SCARA3: variants seen among roughly 807,000 people sequenced by gnomAD.
SCARA3 encodes cellular stress response gene protein.
A neutral mutation model predicts 47.0 loss-of-function variants in SCARA3; 39 were observed. The ratio of observed to expected loss-of-function variants is 0.83; its 90% CI spans 0.64 to 1.08. The LOEUF (loss-of-function observed/expected upper bound fraction) is 1.08. Ranked by LOEUF, SCARA3 falls within the 50% of genes least tolerant of loss-of-function variation. SCARA3 has a pLI of 0.00. For synonymous variants in SCARA3, 356 were observed against 334.1 expected (o/e 1.07, Z -0.71); for missense variants, 724 against 792.3 (o/e 0.91, Z 1.04).
chr8:27,709,063 T>C, the SCARA3 span, among the ~76,000 whole-genome samples: 1 of 152,190 alleles, frequency 6.6e-6, no homozygotes, highest in African/African-American at 2.4e-5. Context: ...GCACAGAATA[T>C]GTCCTCGAGA....
At chr8:27,730,983 C>T in the SCARA3 span, among the ~76,000 whole-genome samples, 2 of 150,914 alleles carry the variant, frequency 1.3e-5, no homozygotes, top group African/African-American at 2.4e-5. Context: ...CCTGGGGGGC[C>T]ACTCCTCCAG....
chr8:27,671,775 C>T lies in SCARA3; in HGVS notation c.*424C>T. 7 of 997,368 alleles carry T rather than the reference C, an allele frequency of 7.0e-6. No homozygotes were observed. The highest frequency in any genetic ancestry group is 8.4e-6 in the Non-Finnish European group (7 of 838,078). 61.8% of individuals were successfully genotyped at this position (997,368 alleles called of 1,614,324 possible). Reference sequence around the variant, plus strand: ...ACAGGCACACACATGTACGCACACACACATGCACTGCACACATATCCATGC... The same window carrying T: ...ACAGGCACACACATGTACGCACACATACATGCACTGCACACATATCCATGC... On this transcript the variant is annotated 3_prime_UTR_variant, in exon 6 of 6. Coordinates refer to ENST00000301904, the MANE Select transcript of SCARA3 (RefSeq NM_016240.3).
chr8:27,635,655 T>G (rs1801235318), intron 1 of SCARA3, among the ~76,000 whole-genome samples: 1 of 151,746 alleles, frequency 6.6e-6, no homozygotes, highest in South Asian at 2.1e-4. Context: ...GGGGCCTTAT[T>G]ATATTGCCCA....
chr8:27,708,423 A>T, the SCARA3 span, among the ~76,000 whole-genome samples: 25 of 152,210 alleles, frequency 1.6e-4, no homozygotes, highest in Admixed American at 1.6e-3. Context: ...CTGCTAACTT[A>T]AAATAAAAAA....
chr8:27,650,179 A>G (rs890313858), intron 2 of SCARA3, among the ~76,000 whole-genome samples: 3 of 151,864 alleles, frequency 2.0e-5, no homozygotes, highest in African/African-American at 7.3e-5. Flanking sequence ...TTTTTTGTAG[A>G]TACAAGAGTC....
downstream of SCARA3, chr8:27,676,594 G>T (rs1475322900): frequency 2.6e-6 from 4 of 1,565,948 alleles, no homozygotes; most frequent in African/African-American, 5.4e-5. Context: ...CACATAATCG[G>T]ATATGATATG....
the SCARA3 span, among the ~76,000 whole-genome samples, chr8:27,708,814 G>T: frequency 1.3e-5 from 2 of 152,014 alleles, no homozygotes; most frequent in Admixed American, 6.6e-5. Flanking sequence ...ACCACATCTG[G>T]ATGTTTCTTT....
At chr8:27,661,065 A>G (rs928710147) in intron 5 of SCARA3, among the ~76,000 whole-genome samples, 3 of 152,184 alleles carry the variant, frequency 2.0e-5, no homozygotes, top group Non-Finnish European at 4.4e-5. Flanking sequence ...AACTGATTAG[A>G]TGAGCCTGCT....
chr8:27,729,272 T>C, the SCARA3 span, among the ~76,000 whole-genome samples: 1 of 152,302 alleles, frequency 6.6e-6, no homozygotes, highest in South Asian at 2.1e-4. Flanking sequence ...TAAAACTCCA[T>C]TTCCCCACAA....
In SCARA3 at chr8:27,672,866, T is replaced by C; in HGVS notation, c.*1515T>C. The C allele has an allele frequency of 2.0e-6, 2 of 985,636 alleles. No individual in the cohort carries two copies. The highest frequency in any genetic ancestry group is 9.4e-5 in the South Asian group (2 of 21,288). The allele number at this position is 985,636 out of a possible 1,614,324, so 61.1% of individuals were successfully genotyped here. Reference sequence around the variant, plus strand: ...CCAACACGGACCCAGAGAGCAGCCCTTCCCTGCTCAAAGCCTTTCCGCACC... The same window carrying C: ...CCAACACGGACCCAGAGAGCAGCCCCTCCCTGCTCAAAGCCTTTCCGCACC... On this transcript the variant is annotated 3_prime_UTR_variant, in exon 6 of 6. Coordinates refer to ENST00000301904, the MANE Select transcript of SCARA3 (RefSeq NM_016240.3).
Position 27,672,311 on chromosome 8 carries a change from C to A in SCARA3, c.*960C>A. On this transcript the variant is annotated 3_prime_UTR_variant, in exon 6 of 6. Transcript: ENST00000301904. ...GGAATCCAAGCAGGAGTTTCATCTG[C>A]ATGGGGGCACTCTGCAGGCCCTGGA... The A allele has an allele frequency of 6.1e-6, 6 of 985,498 alleles. No homozygotes were observed. The South Asian group carries it at 2.8e-4, about 46-fold the overall frequency. The allele number at this position is 985,498 out of a possible 1,614,324, so 61.0% of individuals were successfully genotyped here.
downstream of SCARA3, among the ~76,000 whole-genome samples, chr8:27,679,680 G>T (rs1279223113): frequency 6.6e-6 from 1 of 152,106 alleles, no homozygotes; most frequent in African/African-American, 2.4e-5. Context: ...ATTTTCAAGG[G>T]CACATCAGAT....
At position 27,651,583 on chromosome 8, in the gene SCARA3, T is replaced by C. The variant is rs749132225; in HGVS notation, c.182T>C (p.Phe61Ser). The change falls in exon 3 of 6, where the codon TTC becomes TCC. Residue 61 changes from phenylalanine to serine, a missense_variant. Physicochemically the swap from Phe to Ser is radical, Grantham distance 155. Transcript: ENST00000301904. Reference protein sequence around the residue: ...LHTSVRILYLFLALLLVAVAV... With the variant: ...LHTSVRILYLSLALLLVAVAV... ...ACATCGGTGCGGATTCTTTACCTCT[T>C]CCTGGCCCTGCTCCTGGTGGCCGTG... The C allele has an allele frequency of 6.2e-7, 1 of 1,614,128 alleles. No individual in the cohort carries two copies. Among genetic ancestry groups the C allele is most frequent in the South Asian group, 1.1e-5 (1 of 91,072 alleles).
the SCARA3 span, chr8:27,701,327 A>G: frequency 6.6e-6 from 1 of 152,184 alleles, no homozygotes; most frequent in African/African-American, 2.4e-5. Context: ...GGTGCTATAA[A>G]TATTTTGATT....
the SCARA3 span, among the ~76,000 whole-genome samples, chr8:27,722,999 T>C: frequency 1.3e-5 from 2 of 152,104 alleles, no homozygotes; most frequent in Non-Finnish European, 2.9e-5. Flanking sequence ...CAGCATTGCT[T>C]CCCCAGAATA....
chr8:27,670,242 T>C (rs1466365682), intron 5 of SCARA3, among the ~76,000 whole-genome samples: 1 of 152,174 alleles, frequency 6.6e-6, no homozygotes, highest in Non-Finnish European at 1.5e-5. Context: ...GCTCCTGCCA[T>C]CTTCCTAGGG....
chr8:27,716,679 TATTA>T, the SCARA3 span, among the ~76,000 whole-genome samples: 2 of 152,218 alleles, frequency 1.3e-5, no homozygotes, highest in Admixed American at 6.5e-5. Flanking sequence ...GTCATCGTAG[TATTA>T]ATTAATTCAG....
chr8:27,667,067 C>G (rs374937146), intron 5 of SCARA3, among the ~76,000 whole-genome samples: 1 of 152,208 alleles, frequency 6.6e-6, no homozygotes, highest in Non-Finnish European at 1.5e-5. Context: ...CTCAGAGCAG[C>G]CACTAGCCCT....
At chr8:27,666,954 G>A (rs1431371185) in intron 5 of SCARA3, among the ~76,000 whole-genome samples, 2 of 152,058 alleles carry the variant, frequency 1.3e-5, no homozygotes, top group East Asian at 3.9e-4. Context: ...AATCATGGCC[G>A]CCCCCCTCCA....
Sources: gnomAD v4.1 joint callset for allele counts (sites outside exome capture counted in the v4.1 genomes callset) on GRCh38, gnomAD v4.1.1 for gene constraint, MANE v1.5 for transcripts, NCBI Gene and HGNC (gene_info 2026-07-23, HGNC 2026-07-21) for gene names.